The following PLEKHG5 variants were observed in gnomAD, a reference collection of about 807,000 sequenced individuals.
PLEKHG5 encodes the protein pleckstrin homology and RhoGEF domain containing G5.
PLEKHG5 carries 52 observed loss-of-function variants against 103.8 expected under a neutral mutation model. The ratio of observed to expected loss-of-function variants is 0.50; its 90% confidence interval spans 0.40 to 0.63. PLEKHG5 has a LOEUF of 0.63. Among genes scored for constraint, PLEKHG5 ranks in the 30% least tolerant of loss-of-function variants. The pLI is 0.00. For synonymous variants in PLEKHG5, 592 were observed against 575.5 expected, an observed-to-expected ratio of 1.03 and a Z score of -0.41; for missense variants, 1,205 against 1,347.6, an observed-to-expected ratio of 0.89 and a Z score of 1.66.
intron 1 of PLEKHG5, among the ~76,000 whole-genome samples, chr1:6,481,772 G>A (rs1411458201): frequency 3.3e-5 from 5 of 151,162 alleles, no homozygotes; most frequent in African/African-American, 1.2e-4. Context: ...GCTGAGGCAG[G>A]AGAATTGTTT....
intron 1 of PLEKHG5, among the ~76,000 whole-genome samples, chr1:6,514,228 G>A (rs1638553162): frequency 6.6e-6 from 1 of 152,126 alleles, no homozygotes; most frequent in African/African-American, 2.4e-5. Context: ...GGAGGCTGGG[G>A]TGGGTCTCTG....
chr1:6,497,533 C>T (rs561317837), upstream of PLEKHG5: 206 of 156,404 alleles, frequency 1.3e-3, 1 homozygote, highest in African/African-American at 4.4e-3. This position sits in a 1 kb window ranked among gnomAD's most constrained non-coding sequence, Gnocchi z 6.1. Flanking sequence ...ACGGTGTCAC[C>T]CCTCCCTCCC....
chr1:6,476,050 A>AGGAGAGGGTT lies in PLEKHG5; in HGVS notation c.44-24_44-15dup. On this transcript the variant is annotated splice_polypyrimidine_tract_variant and intron_variant, in intron 2 of 20. Transcript: ENST00000377728. ...CCAGCACAGAGCCTTGGGAGAAAGC[A>AGGAGAGGGTT]GGAGAGGGTTGTGCCTCCCCCGCCC... 23 of 1,610,638 alleles carry AGGAGAGGGTT rather than the reference A, an allele frequency of 1.4e-5. No individual in the cohort carries two copies. Among genetic ancestry groups the AGGAGAGGGTT allele is most frequent in the Non-Finnish European group, 2.0e-5 (23 of 1,178,526 alleles).
In PLEKHG5 at chr1:6,483,811, T is replaced by G. The variant is rs77881816; in HGVS notation, c.-87-6153A>C. ...AGCCCAAGCTTCAGGTGTCTCCTCA[T>G]GAGAATGATCTGGGGAAGGGCCCTG... On this transcript the variant is annotated intron_variant, in intron 1 of 20. Transcript: ENST00000377728. Among the ~76,000 whole-genome samples the G allele has an allele frequency of 5.0e-3, 756 of 152,328 alleles. 5 individuals carry two copies. The highest frequency in any genetic ancestry group is 0.017 in the African/African-American group (707 of 41,584).
At chr1:6,477,763 G>C (rs560691334) in intron 1 of PLEKHG5, 105 bp from the exon 2 acceptor site, 7 of 1,231,752 alleles carry the variant, frequency 5.7e-6, no homozygotes, top group South Asian at 5.3e-5. Context: ...TCCATCTCTC[G>C]ATCCAGGGTG....
rs531265564 is a variant in PLEKHG5 at position 6,469,253 on chromosome 1, G to T, written c.2050-12C>A. Reference sequence around the variant, plus strand: ...TGTTGCAGCTGGTTCTGCAGGCAAGGTTGGGGTACATGGGACAGAATGGGT... The same window carrying T: ...TGTTGCAGCTGGTTCTGCAGGCAAGTTTGGGGTACATGGGACAGAATGGGT... On this transcript the variant is annotated splice_polypyrimidine_tract_variant and intron_variant, in intron 18 of 20. Transcript: ENST00000377728. The T allele has an allele frequency of 6.2e-7, 1 of 1,614,030 alleles. No individual in the cohort carries two copies. Among genetic ancestry groups the T allele is most frequent in the Non-Finnish European group, 8.5e-7 (1 of 1,180,030 alleles).
At chr1:6,477,503 G>T (rs774560362) in intron 2 of PLEKHG5, 26 bp downstream of exon 2, 1 of 1,607,598 alleles carries the variant, frequency 6.2e-7, no homozygotes. Context: ...TCTGGGGGCC[G>T]AGCTGCGGCT....
At chr1:6,471,846 G>C in intron 10 of PLEKHG5, 38 bp from the exon 11 acceptor site, 1 of 1,571,564 alleles carries the variant, frequency 6.4e-7, no homozygotes, top group Non-Finnish European at 8.6e-7. Context: ...GGGTCGGGAG[G>C]CTGTCTCAGC....
chr1:6,485,311 C>T, intron 1 of PLEKHG5: 2 of 1,397,112 alleles, frequency 1.4e-6, no homozygotes, highest in South Asian at 1.5e-5. Context: ...CCCGCCCCGT[C>T]CCGGCCCCGT....
intron 1 of PLEKHG5, chr1:6,519,440 C>G (rs371522461): frequency 1.0e-4 from 165 of 1,608,110 alleles, no homozygotes; most frequent in Non-Finnish European, 1.3e-4. Context: ...AGAAAACATA[C>G]TCACCGGTTC....
intron 1 of PLEKHG5, among the ~76,000 whole-genome samples, chr1:6,508,586 C>T (rs192827268): frequency 1.3e-5 from 2 of 152,376 alleles, no homozygotes; most frequent in East Asian, 1.9e-4. Context: ...CAGGTAGACA[C>T]ACCTGGGCCT....
chr1:6,470,191 C>T (rs1644523416), intron 16 of PLEKHG5, 45 bp downstream of exon 16: 2 of 1,607,082 alleles, frequency 1.2e-6, no homozygotes, highest in Non-Finnish European at 8.5e-7. Context: ...CCCAGGAGGT[C>T]CCTAGGAAGG....
chr1:6,480,530 A>C (rs1375928745), intron 1 of PLEKHG5, among the ~76,000 whole-genome samples: 2 of 95,172 alleles, frequency 2.1e-5, no homozygotes, highest in Non-Finnish European at 3.9e-5. Flanking sequence ...TTTGTCTCCA[A>C]AAAAAAAAAA....
intron 1 of PLEKHG5, among the ~76,000 whole-genome samples, chr1:6,481,843 T>C (rs1034523712): frequency 1.3e-5 from 2 of 148,166 alleles, no homozygotes; most frequent in Non-Finnish European, 3.0e-5. Context: ...CAGCCTGGGC[T>C]ACAGGGAAGA....
At chr1:6,489,857 A>T (rs1645114082) in intron 1 of PLEKHG5, among the ~76,000 whole-genome samples, 1 of 152,176 alleles carries the variant, frequency 6.6e-6, no homozygotes, top group Non-Finnish European at 1.5e-5. Context: ...GAGAATGGTA[A>T]AATACCCCCG....
intron 1 of PLEKHG5, among the ~76,000 whole-genome samples, chr1:6,506,590 G>A (rs145444397): frequency 7.1e-4 from 108 of 152,294 alleles, no homozygotes; most frequent in African/African-American, 2.5e-3. Context: ...CTGTGACCCC[G>A]CTCCCAGCCC....
intron 1 of PLEKHG5, among the ~76,000 whole-genome samples, chr1:6,488,040 C>G (rs1645073580): frequency 6.6e-6 from 1 of 152,208 alleles, no homozygotes; most frequent in South Asian, 2.1e-4. Flanking sequence ...GTCTCTTCCT[C>G]CTCCTAGTAT....
intron 2 of PLEKHG5, among the ~76,000 whole-genome samples, 173 bp from the exon 3 acceptor site, chr1:6,476,209 G>C (rs764713486): frequency 1.3e-5 from 2 of 152,190 alleles, no homozygotes; most frequent in African/African-American, 2.4e-5. Context: ...TTTTTGTTTT[G>C]AGATAGGGTC....
Position 6,469,222 on chromosome 1 carries a change from C to G in PLEKHG5, c.2069G>C (p.Arg690Pro). ...CTGACTGCCTGGGGGCTCCTGTGCA[C>G]GCAGCTGTTGCAGCTGGTTCTGCAG... ...YNAQNQLQQL[R>P]AQEPPGSQQP... Residue 690 changes from arginine (R) to proline (P), a missense_variant, in exon 19 of 21, where the codon CGT (arginine) becomes CCT (proline). Coordinates refer to ENST00000377728, the MANE Select transcript of PLEKHG5 (RefSeq NM_020631.6). 1 of 1,613,360 alleles carries G rather than the reference C, an allele frequency of 6.2e-7. No individual in the cohort carries two copies. Among genetic ancestry groups the G allele is most frequent in the Non-Finnish European group, 8.5e-7 (1 of 1,179,980 alleles).
Sources: allele counts gnomAD v4.1 joint callset (sites outside exome capture counted in the v4.1 genomes callset), GRCh38; gene constraint gnomAD v4.1.1; non-coding constraint Gnocchi (gnomAD v3.1); transcripts MANE v1.5; gene names NCBI Gene and HGNC (gene_info 2026-07-23, HGNC 2026-07-21).